Variants in RBM47 observed in about 807,000 individuals in gnomAD.
The protein encoded by RBM47 is RNA binding motif protein 47.
RBM47 carries 21 observed loss-of-function variants against 47.1 expected under a neutral mutation model. The observed-to-expected ratio is 0.45, with a 90% CI of 0.32 to 0.64. RBM47 has a LOEUF of 0.64. Among genes scored for constraint, RBM47 ranks in the 30% least tolerant of loss-of-function variants. RBM47 has a pLI of 0.05. For synonymous variants in RBM47, 375 were observed against 361.7 expected (o/e 1.04, Z -0.42); for missense variants, 708 against 870.9 (o/e 0.81, Z 2.35).
In RBM47 at chr4:40,437,073, C is replaced by CAAAAAAAAAAAAAAAAAAAA. The variant is rs750922605; in HGVS notation, c.1124-427_1124-426insTTTTTTTTTTTTTTTTTTTT. On this transcript the variant is annotated intron_variant, in intron 4 of 6. Transcript: ENST00000295971. ...TGGGGAGCATGGTGAGACCCTGTCT[C>CAAAAAAAAAAAAAAAAAAAA]AAAAAAAAAAAAAAAAAATATATAT... 2.8e-4 allele frequency among the ~76,000 whole-genome samples: 6 copies of CAAAAAAAAAAAAAAAAAAAA among 21,290 alleles called. 1 individual carries two copies. The highest frequency in any genetic ancestry group is 5.6e-4 in the Admixed American group (1 of 1,788). 14.0% of individuals were successfully genotyped at this position (21,290 alleles called of 152,430 possible).
At chr4:40,600,979 C>T (rs1385258223) in intron 1 of RBM47, among the ~76,000 whole-genome samples, 1 of 16,410 alleles carries the variant, frequency 6.1e-5, no homozygotes, top group South Asian at 1.6e-3. Context: ...GAGTGAAACT[C>T]CGTCTCAAAA....
chr4:40,577,810 T>C (rs886240505), intron 1 of RBM47, among the ~76,000 whole-genome samples: 7 of 152,162 alleles, frequency 4.6e-5, no homozygotes, highest in East Asian at 1.9e-4. Flanking sequence ...TGTGGTACCA[T>C]TGTGTTACTC....
At chr4:40,549,691 T>A (rs1203839920) in intron 1 of RBM47, among the ~76,000 whole-genome samples, 1 of 151,218 alleles carries the variant, frequency 6.6e-6, no homozygotes, top group Non-Finnish European at 1.5e-5. Context: ...CCCAGCTAAT[T>A]TTTTTTTGAG....
At chr4:40,490,194 T>G (rs933491881) in intron 2 of RBM47, among the ~76,000 whole-genome samples, 1 of 152,060 alleles carries the variant, frequency 6.6e-6, no homozygotes, top group African/African-American at 2.4e-5. Context: ...AAAGACTGAA[T>G]GCTCTCCCCA....
At chr4:40,431,574 C>T (rs1232101565) in intron 6 of RBM47, among the ~76,000 whole-genome samples, 8 of 151,096 alleles carry the variant, frequency 5.3e-5, no homozygotes, top group Non-Finnish European at 1.2e-4. Flanking sequence ...AGGAGAATGG[C>T]GTGAACCTGG....
intron 2 of RBM47, among the ~76,000 whole-genome samples, chr4:40,474,453 C>G (rs1719333907): frequency 6.6e-6 from 1 of 152,102 alleles, no homozygotes; most frequent in Non-Finnish European, 1.5e-5. Context: ...TGGAACAAAT[C>G]TAATACAAGT....
chr4:40,438,791 G>T lies in RBM47; in HGVS notation c.103C>A (p.Leu35Met). ...CCCGTGCGCTCCATCAGCGCCAGCA[G>T]TGCTGCCTCGTTGGGCGCGCCCGCC... The part of the protein sequence containing the change: ...GVAGAPNEAA[L>M]LALMERTGYS... The change falls in exon 4 of 7, where the codon CTG becomes ATG. Residue 35 changes from leucine to methionine, a missense_variant. Transcript: ENST00000295971. 1.3e-6 allele frequency: 2 copies of T among 1,552,808 alleles called. No homozygotes were observed. Among genetic ancestry groups the T allele is most frequent in the Non-Finnish European group, 1.7e-6 (2 of 1,154,046 alleles).
At chr4:40,555,604 A>G (rs1730003555) in intron 1 of RBM47, among the ~76,000 whole-genome samples, 1 of 152,228 alleles carries the variant, frequency 6.6e-6, no homozygotes, top group South Asian at 2.1e-4. Flanking sequence ...TCTCACTTAT[A>G]TTAATGCAGA....
rs113451042 is a variant in RBM47, at chr4:40,604,650, A to T, written c.-240+24746T>A. Among the ~76,000 whole-genome samples, 1,396 of 152,270 alleles carry T rather than the reference A, an allele frequency of 9.2e-3. 27 individuals carry two copies. Among genetic ancestry groups the T allele is most frequent in the African/African-American group, 0.031 (1,308 of 41,540 alleles). ...TCTCTAAAAAATAAAAAATAAAAAA[A>T]AATAAGCATGATGAGTCCAGTCCAG... is the stretch of plus-strand genomic sequence containing the variant. On this transcript the variant is annotated intron_variant, in intron 1 of 6. Coordinates refer to ENST00000295971, the MANE Select transcript of RBM47 (RefSeq NM_001098634.2).
chr4:40,608,953 T>C (rs1736002926), intron 1 of RBM47, among the ~76,000 whole-genome samples: 1 of 152,172 alleles, frequency 6.6e-6, no homozygotes, highest in South Asian at 2.1e-4. Flanking sequence ...GTGAGCTCTC[T>C]GCAGTGTTTG....
At chr4:40,598,600 CAAAT>C (rs367841552) in intron 1 of RBM47, among the ~76,000 whole-genome samples, 8 of 151,744 alleles carry the variant, frequency 5.3e-5, no homozygotes, top group South Asian at 2.1e-4. Flanking sequence ...AAAGAAGAGA[CAAAT>C]AAATAAATAG....
In RBM47 at chr4:40,447,736, C is replaced by T. The variant is rs143671703; in HGVS notation, c.-31-8812G>A. Among the ~76,000 whole-genome samples, 19 of 151,144 alleles carry T rather than the reference C, an allele frequency of 1.3e-4. No homozygotes were observed. In the East Asian group the frequency reaches 3.5e-3, roughly 28 times the overall value. ...TACTAAAAATTTAAAACAGGCCAGG[C>T]GCAGTGGCTCACGCCTATAATCCCA... On this transcript the variant is annotated intron_variant, in intron 3 of 6. Coordinates refer to ENST00000295971, the MANE Select transcript of RBM47 (RefSeq NM_001098634.2).
chr4:40,459,867 G>C (rs1322039661), intron 3 of RBM47, among the ~76,000 whole-genome samples: 1 of 152,172 alleles, frequency 6.6e-6, no homozygotes, highest in Non-Finnish European at 1.5e-5. Context: ...CAATTCTCCT[G>C]CCTCAGCCTC....
chr4:40,529,834 T>TAATAAATAAATA (rs200058463), intron 2 of RBM47, among the ~76,000 whole-genome samples: 31 of 137,336 alleles, frequency 2.3e-4, no homozygotes, highest in South Asian at 4.5e-4. Context: ...ATCTAAAAAA[T>TAATAAATAAATA]AATAAATAAA....
Position 40,498,054 on chromosome 4 carries a change from TTATATATA to T in RBM47, c.-154-31363_-154-31356del, listed in dbSNP as rs6148409. On this transcript the variant is annotated intron_variant, in intron 2 of 6. Coordinates refer to ENST00000295971, the MANE Select transcript of RBM47 (RefSeq NM_001098634.2). Reference sequence around the variant, plus strand: ...TGCAAATAAAATGTAAGTGCTTGTTTTATATATATATATATATATATATATGTTTATCT... The same window carrying T: ...TGCAAATAAAATGTAAGTGCTTGTTTTATATATATATATATATGTTTATCT... Among the ~76,000 whole-genome samples the T allele has an allele frequency of 2.6e-4, 29 of 109,874 alleles. 1 individual carries two copies. Among genetic ancestry groups the T allele is most frequent in the East Asian group, 2.2e-3 (9 of 4,170 alleles). 72.1% of individuals were successfully genotyped at this position (109,874 alleles called of 152,430 possible). A position where few individuals can be genotyped will look rare whatever the true frequency, so the allele number is the denominator to read the frequency against.
chr4:40,491,198 G>A (rs73145556), intron 2 of RBM47, among the ~76,000 whole-genome samples: 4,126 of 152,228 alleles, frequency 0.027, 189 homozygotes, highest in African/African-American at 0.094. Context: ...AATCGATTCC[G>A]GACAAGGGTG....
intron 1 of RBM47, among the ~76,000 whole-genome samples, chr4:40,621,784 C>A (rs1260036524): frequency 6.6e-6 from 1 of 152,102 alleles, no homozygotes; most frequent in African/African-American, 2.4e-5. Context: ...AAAAAGATTG[C>A]CAAAGAGGAG....
chr4:40,617,213 A>G (rs1387950912), intron 1 of RBM47, among the ~76,000 whole-genome samples: 1 of 151,882 alleles, frequency 6.6e-6, no homozygotes, highest in African/African-American at 2.4e-5. Context: ...CTTACTTGTT[A>G]TGTGGGATGA....
chr4:40,431,475 G>A (rs976617443), intron 6 of RBM47, among the ~76,000 whole-genome samples: 6 of 152,038 alleles, frequency 3.9e-5, no homozygotes, highest in South Asian at 2.1e-4. Flanking sequence ...TGGCTGACAC[G>A]GTGAAACCCC....
Sources: allele counts gnomAD v4.1 joint callset (sites outside exome capture counted in the v4.1 genomes callset), GRCh38; gene constraint gnomAD v4.1.1; transcripts MANE v1.5; gene names NCBI Gene and HGNC (gene_info 2026-07-23, HGNC 2026-07-21).